PRKCE: variants seen among roughly 807,000 people sequenced by gnomAD.
PRKCE encodes protein kinase C epsilon type.
A neutral mutation model predicts 85.4 loss-of-function variants in PRKCE; 16 were observed. The observed-to-expected ratio is 0.19, with a 90% CI of 0.13 to 0.28. The LOEUF is 0.28. Ranked by LOEUF, PRKCE falls within the 10% of genes least tolerant of loss-of-function variation. The probability of loss-of-function intolerance (pLI) is 1.00; values close to 1 mark genes in which losing one functional copy is unlikely to be tolerated. For synonymous variants in PRKCE, 388 were observed against 371.5 expected, an observed-to-expected ratio of 1.04 and a Z score of -0.51; for missense variants, 573 against 975.2, an observed-to-expected ratio of 0.59 and a Z score of 5.49.
At chr2:45,698,268 TG>T (rs917713900) in intron 1 of PRKCE, among the ~76,000 whole-genome samples, 4 of 152,214 alleles carry the variant, frequency 2.6e-5, no homozygotes, top group African/African-American at 9.6e-5. Context: ...GTGAATTTGG[TG>T]GAATCATTTT....
intron 1 of PRKCE, among the ~76,000 whole-genome samples, chr2:45,743,128 G>A (rs745883141): frequency 8.5e-5 from 13 of 152,168 alleles, no homozygotes; most frequent in Non-Finnish European, 1.6e-4. Context: ...GGGTAATGGG[G>A]AGATGTTGGT....
intron 1 of PRKCE, among the ~76,000 whole-genome samples, chr2:45,736,594 G>A (rs1682083155): frequency 6.6e-6 from 1 of 152,184 alleles, no homozygotes; most frequent in Non-Finnish European, 1.5e-5. Context: ...GACACTGCCT[G>A]CCTCTCCATC....
intron 5 of PRKCE, among the ~76,000 whole-genome samples, chr2:45,981,050 C>T (rs1489093357): frequency 1.3e-5 from 2 of 152,184 alleles, no homozygotes; most frequent in Non-Finnish European, 2.9e-5. Flanking sequence ...AGCCCTTGAC[C>T]ACTGCACTAC....
At chr2:45,796,017 C>T (rs1175923385) in intron 1 of PRKCE, among the ~76,000 whole-genome samples, 1 of 152,234 alleles carries the variant, frequency 6.6e-6, no homozygotes, top group African/African-American at 2.4e-5. Context: ...TCTCCCTTCA[C>T]TCTAAGCTTC....
At chr2:45,825,598 A>G (rs1689881856) in intron 1 of PRKCE, among the ~76,000 whole-genome samples, 2 of 152,242 alleles carry the variant, frequency 1.3e-5, no homozygotes, top group South Asian at 4.1e-4. Context: ...AAACTACAGT[A>G]TGCAGCTGGG....
chr2:45,876,014 G>T (rs910919164), intron 2 of PRKCE, among the ~76,000 whole-genome samples: 1 of 152,154 alleles, frequency 6.6e-6, no homozygotes, highest in African/African-American at 2.4e-5. Flanking sequence ...ATCTTCTATG[G>T]GGGCTAAAAA....
intron 12 of PRKCE, 95 bp from the exon 13 acceptor site, chr2:46,150,946 T>C (rs1676563084): frequency 8.7e-7 from 1 of 1,153,170 alleles, no homozygotes; most frequent in Admixed American, 2.4e-5. Context: ...GAGGAGCAAG[T>C]TGGAATTGAA....
At chr2:45,879,541 A>G (rs1694728138) in intron 2 of PRKCE, among the ~76,000 whole-genome samples, 1 of 152,240 alleles carries the variant, frequency 6.6e-6, no homozygotes, top group South Asian at 2.1e-4. Flanking sequence ...CACTGCCTGT[A>G]ACACATGACC....
chr2:45,943,965 G>A (rs944649631), intron 2 of PRKCE, among the ~76,000 whole-genome samples: 2 of 152,200 alleles, frequency 1.3e-5, no homozygotes, highest in Non-Finnish European at 2.9e-5. Context: ...TTACAGTTTT[G>A]GAAACTGAGG....
At chr2:45,787,368 G>C (rs576559854) in intron 1 of PRKCE, among the ~76,000 whole-genome samples, 62 of 152,258 alleles carry the variant, frequency 4.1e-4, no homozygotes, top group Non-Finnish European at 5.6e-4. Flanking sequence ...GAGAGAGAGA[G>C]ACACAAAGTC....
intron 10 of PRKCE, among the ~76,000 whole-genome samples, chr2:46,085,030 C>T (rs1394773622): frequency 6.6e-6 from 1 of 152,132 alleles, no homozygotes; most frequent in East Asian, 1.9e-4. Context: ...TTGTCCATTT[C>T]CCATCTCCAC....
intron 1 of PRKCE, among the ~76,000 whole-genome samples, chr2:45,694,141 C>T (rs1344562353): frequency 6.6e-6 from 1 of 150,844 alleles, no homozygotes; most frequent in Non-Finnish European, 1.5e-5. Context: ...CTTCCCATAG[C>T]TTCTTGTGGC....
chr2:45,894,216 G>A (rs1286037282), intron 2 of PRKCE, among the ~76,000 whole-genome samples: 1 of 152,016 alleles, frequency 6.6e-6, no homozygotes, highest in East Asian at 1.9e-4. Flanking sequence ...ATTTTAGCCA[G>A]CAAGCACTCA....
In PRKCE at chr2:45,767,211, G is replaced by C. The variant is rs138623996; in HGVS notation, c.349-75789G>C. Among the ~76,000 whole-genome samples the C allele has an allele frequency of 1.0e-3, 155 of 152,208 alleles. 1 individual carries two copies. In the East Asian group the frequency reaches 0.028, roughly 27 times the overall value. ...AGTTTTCTCAAATACCTCTGCTTCT[G>C]GAAGGAGGGTAGAGAGGAATTAGCC... On this transcript the variant is annotated intron_variant, in intron 1 of 14. Transcript: ENST00000306156.
intron 2 of PRKCE, among the ~76,000 whole-genome samples, chr2:45,912,804 G>A (rs1352319934): frequency 6.6e-6 from 1 of 152,094 alleles, no homozygotes; most frequent in Admixed American, 6.5e-5. Flanking sequence ...AATAGACTTA[G>A]TTCCAGGGTC....
intron 11 of PRKCE, among the ~76,000 whole-genome samples, chr2:46,140,158 A>C (rs564046304): frequency 2.0e-5 from 3 of 152,304 alleles, no homozygotes; most frequent in African/African-American, 7.2e-5. Context: ...AAACATATTC[A>C]CAATAAAGAC....
At chr2:45,897,976 T>C (rs1314220744) in intron 2 of PRKCE, among the ~76,000 whole-genome samples, 2 of 152,142 alleles carry the variant, frequency 1.3e-5, no homozygotes, top group Non-Finnish European at 2.9e-5. Flanking sequence ...TGATAGTCAT[T>C]TCAGAAGTAT....
intron 11 of PRKCE, among the ~76,000 whole-genome samples, chr2:46,107,715 G>C (rs1671864427): frequency 6.6e-6 from 1 of 152,174 alleles, no homozygotes; most frequent in Non-Finnish European, 1.5e-5. Context: ...ATCCTCTCTA[G>C]TAATTAGTAT....
chr2:46,102,728 G>T (rs1116246), intron 11 of PRKCE, among the ~76,000 whole-genome samples: 1 of 151,996 alleles, frequency 6.6e-6, no homozygotes, highest in African/African-American at 2.4e-5. Flanking sequence ...ATATCTGCCA[G>T]CTGGGATTTG....
Sources: allele counts gnomAD v4.1 joint callset (sites outside exome capture counted in the v4.1 genomes callset), GRCh38; gene constraint gnomAD v4.1.1; transcripts MANE v1.5; gene names NCBI Gene and HGNC (gene_info 2026-07-23, HGNC 2026-07-21).